Variants in TMF1 observed in about 807,000 individuals in gnomAD.
TMF1 encodes the protein TATA element modulatory factor 1.
Under a neutral mutation model 126.5 loss-of-function variants are expected in TMF1, and 71 were observed. The ratio of observed to expected loss-of-function variants is 0.56; its 90% CI spans 0.46 to 0.68. The LOEUF (loss-of-function observed/expected upper bound fraction) is 0.68. Ranked by LOEUF, TMF1 falls within the 30% of genes least tolerant of loss-of-function variation. TMF1 has a pLI of 0.00. For synonymous variants in TMF1, 461 were observed against 430.5 expected (o/e 1.07, Z -0.88); for missense variants, 1,259 against 1,253.2 (o/e 1.00, Z -0.07).
In TMF1 at chr3:69,020,149, A is replaced by G. The variant is rs114327621; in HGVS notation, c.*3028T>C. ...TCATATACTTTTAATAAGCATTCAA[A>G]TAAAACTCTCAATAAATGCCAACTG... is the stretch of plus-strand genomic sequence containing the variant. On this transcript the variant is annotated 3_prime_UTR_variant, in exon 17 of 17. Coordinates refer to ENST00000398559, the MANE Select transcript of TMF1 (RefSeq NM_007114.3). 4.9e-3 allele frequency: 751 copies of G among 152,268 alleles called. 9 individuals carry two copies. The highest frequency in any genetic ancestry group is 0.017 in the African/African-American group (699 of 41,564). The allele number at this position is 152,268 out of a possible 1,614,324, so 9.4% of individuals were successfully genotyped here. A position where few individuals can be genotyped will look rare whatever the true frequency, so the allele number is the denominator to read the frequency against.
rs2091749741 is a variant in TMF1 at position 69,023,298 on chromosome 3, GTGT to G, written c.3158_3160del (p.Asn1053del). 1 of 1,610,186 alleles carries G rather than the reference GTGT, an allele frequency of 6.2e-7. No individual in the cohort carries two copies. The highest frequency in any genetic ancestry group is 8.5e-7 in the Non-Finnish European group (1 of 1,178,592). On this transcript the variant is annotated inframe_deletion, in exon 17 of 17. Transcript: ENST00000398559. The stretch of plus-strand genomic sequence containing the variant: ...TTTTTCTCCATACATCTGCAGAATA[GTGT>G]TGTACCTTTGATCCAAATCCTGAAA...
chr3:69,038,500 T>C, intron 8 of TMF1, 64 bp downstream of exon 8: 2 of 1,538,890 alleles, frequency 1.3e-6, no homozygotes, highest in Non-Finnish European at 1.8e-6. Context: ...CAGCTAATTG[T>C]TTAATTTGTA....
chr3:69,048,648 A>C (rs2091909985), intron 1 of TMF1, 86 bp from the exon 2 acceptor site: 10 of 1,239,562 alleles, frequency 8.1e-6, no homozygotes, highest in Middle Eastern at 2.9e-4. Context: ...TATAAATATA[A>C]ATTTAGAAAA....
intron 8 of TMF1, among the ~76,000 whole-genome samples, chr3:69,037,774 C>CCAG (rs2091840848): frequency 6.6e-6 from 1 of 151,926 alleles, no homozygotes; most frequent in Admixed American, 6.6e-5. Flanking sequence ...CCACTGTGCT[C>CCAG]CAGTCTGGCA....
At chr3:69,026,712 C>A (rs1216883476) in intron 13 of TMF1, among the ~76,000 whole-genome samples, 1 of 148,696 alleles carries the variant, frequency 6.7e-6, no homozygotes, top group African/African-American at 2.6e-5. Context: ...TTTATTACAA[C>A]AATGTAATTT....
Position 69,027,947 on chromosome 3 carries a change from G to C in TMF1, c.2710C>G (p.Gln904Glu), listed in dbSNP as rs970008570. 10 of 1,583,978 alleles carry C rather than the reference G, an allele frequency of 6.3e-6. No homozygotes were observed. The highest frequency in any genetic ancestry group is 1.3e-5 in the African/African-American group (1 of 74,264). Residue 904 changes from glutamine (Q) to glutamate (E), a missense_variant, in exon 13 of 17, where the codon CAA becomes GAA. Physicochemically the swap from Gln to Glu is conservative, Grantham distance 29. Coordinates refer to ENST00000398559, the MANE Select transcript of TMF1 (RefSeq NM_007114.3). ...QLEMERMKVE[Q>E]ERKKAIFTQE... ...GTAAAAATGGCTTTCTTCCTTTCTT[G>C]TTCAACTTTCATTCTTTCCATTTCT...
chr3:69,031,582 T>G (rs1295251398), intron 10 of TMF1, among the ~76,000 whole-genome samples: 1 of 152,192 alleles, frequency 6.6e-6, no homozygotes, highest in African/African-American at 2.4e-5. Context: ...CAAAGGACCT[T>G]TCTATATTAT....
At position 69,038,577 on chromosome 3, in the gene TMF1, G is replaced by C. The variant is rs757659109; in HGVS notation, c.2138C>G (p.Thr713Arg). The change falls in exon 8 of 17, where the codon ACA becomes AGA. Residue 713 changes from threonine (T) to arginine (R), a missense_variant. Coordinates refer to ENST00000398559, the MANE Select transcript of TMF1 (RefSeq NM_007114.3). ...TCCATTGCTTACTTGAATGGCTAAT[G>C]TTTCTTGCTGCTGACGGGCTTCTTC... ...AQEEARQQQE[T>R]LAIQVGDLRL... is the part of the protein sequence containing the mutation. The C allele has an allele frequency of 2.5e-6, 4 of 1,613,338 alleles. No homozygotes were observed. The South Asian group carries it at 3.3e-5, about 13-fold the overall frequency.
intron 8 of TMF1, among the ~76,000 whole-genome samples, chr3:69,037,674 C>T (rs1016851160): frequency 5.9e-5 from 9 of 151,938 alleles, no homozygotes; most frequent in African/African-American, 1.9e-4. Flanking sequence ...GGCATGGTAG[C>T]ACCTGCCTGT....
chr3:69,038,455 C>A, intron 8 of TMF1, 109 bp downstream of exon 8: 1 of 1,254,456 alleles, frequency 8.0e-7, no homozygotes, highest in Non-Finnish European at 1.1e-6. Flanking sequence ...ACTCTGAAAT[C>A]TAACACATGT....
chr3:69,025,195 G>A (rs914333874), intron 15 of TMF1: 20 of 177,134 alleles, frequency 1.1e-4, no homozygotes, highest in Non-Finnish European at 1.7e-4. Context: ...ACAGCTCAGT[G>A]ACTTCCCTTT....
At chr3:69,032,675 A>G (rs2091809778) in intron 10 of TMF1, among the ~76,000 whole-genome samples, 1 of 151,402 alleles carries the variant, frequency 6.6e-6, no homozygotes, top group African/African-American at 2.4e-5. Context: ...CTGTAGCGCA[A>G]TCTCAGCTCA....
rs546011219 is a variant in TMF1, at chr3:69,050,168, G to A, written c.143-1606C>T. Among the ~76,000 whole-genome samples the A allele has an allele frequency of 8.6e-5, 13 of 151,438 alleles. No individual in the cohort carries two copies. In the South Asian group the frequency reaches 1.5e-3, roughly 17 times the overall value. ...CCAGCTACTCGGGAGGTTGAGGCAC[G>A]AGAATCACTTGAGCTCAGGAGACAG... On this transcript the variant is annotated intron_variant, in intron 1 of 16. Coordinates refer to ENST00000398559, the MANE Select transcript of TMF1 (RefSeq NM_007114.3).
At position 69,023,220 on chromosome 3, in the gene TMF1, T is replaced by C; in HGVS notation, c.3239A>G (p.Tyr1080Cys). 1 of 1,611,724 alleles carries C rather than the reference T, an allele frequency of 6.2e-7. No homozygotes were observed. The highest frequency in any genetic ancestry group is 8.5e-7 in the Non-Finnish European group (1 of 1,178,538). Residue 1080 changes from tyrosine to cysteine, a missense_variant, in exon 17 of 17, where the codon TAC becomes TGC. Coordinates refer to ENST00000398559, the MANE Select transcript of TMF1 (RefSeq NM_007114.3). ...TAAAAGTTCATCTATTTGAGTTTTG[T>C]ACATATTTTTTACATCTTCGAGATC... Reference protein sequence around the residue: ...RLDLEDVKNMYKTQIDELLRQ... With the variant: ...RLDLEDVKNMCKTQIDELLRQ...
At chr3:69,037,170 GAA>G (rs2091836420) in intron 8 of TMF1, among the ~76,000 whole-genome samples, 1 of 152,180 alleles carries the variant, frequency 6.6e-6, no homozygotes, top group Admixed American at 6.5e-5. Context: ...ATAAGCAAAT[GAA>G]AAGACATCCA....
In TMF1 at chr3:69,042,883, G is replaced by A. The variant is rs2091875556; in HGVS notation, c.1608C>T (p.Ala536=). 5 of 1,612,848 alleles carry A rather than the reference G, an allele frequency of 3.1e-6. No homozygotes were observed. The highest frequency in any genetic ancestry group is 4.2e-6 in the Non-Finnish European group (5 of 1,179,438). ...KEIKNIKEEL[A]TRLNSSETAD... is the part of the protein sequence containing the mutation. ...CAGTTTCACTACTATTTAATCTAGT[G>A]GCAAGTTCTTCTTTTATGTTTTTGA... Residue 536 remains alanine (A), a synonymous_variant, in exon 5 of 17, where the codon GCC becomes GCT. Coordinates refer to ENST00000398559, the MANE Select transcript of TMF1 (RefSeq NM_007114.3).
intron 2 of TMF1, 141 bp from the exon 3 acceptor site, chr3:69,044,736 CA>C (rs1449992782): frequency 1.9e-6 from 1 of 521,054 alleles, no homozygotes; most frequent in Admixed American, 3.7e-5. Context: ...ACAGAAGATC[CA>C]GAACAAGAAG....
intron 5 of TMF1, among the ~76,000 whole-genome samples, chr3:69,040,900 C>A (rs1176851976): frequency 6.8e-6 from 1 of 147,302 alleles, no homozygotes; most frequent in Non-Finnish European, 1.5e-5. Context: ...CCAGCCTGGA[C>A]AACACAGTGA....
rs763395299 is a variant in TMF1, at chr3:69,039,542, G to T, written c.1827+9C>A. On this transcript the variant is annotated intron_variant, in intron 6 of 16. Transcript: ENST00000398559. Reference sequence around the variant, plus strand: ...AATATATATGTAGAGAATTATGATTGCTATTCACCTGTTTCAAATGCTGCA... The same window carrying T: ...AATATATATGTAGAGAATTATGATTTCTATTCACCTGTTTCAAATGCTGCA... 6.2e-7 allele frequency: 1 copy of T among 1,606,998 alleles called. No individual in the cohort carries two copies. Among genetic ancestry groups the T allele is most frequent in the South Asian group, 1.1e-5 (1 of 89,330 alleles).
Sources: allele counts gnomAD v4.1 joint callset (sites outside exome capture counted in the v4.1 genomes callset), GRCh38; gene constraint gnomAD v4.1.1; transcripts MANE v1.5; gene names NCBI Gene and HGNC (gene_info 2026-07-23, HGNC 2026-07-21).